ANXA3: variants seen among roughly 807,000 people sequenced by gnomAD.
ANXA3 encodes the protein annexin A3.
ANXA3 carries 46 observed loss-of-function variants against 48.8 expected under a neutral mutation model. The ratio of observed to expected loss-of-function variants is 0.94; its 90% confidence interval spans 0.74 to 1.21. The LOEUF (loss-of-function observed/expected upper bound fraction) is 1.21, where lower values mean the gene tolerates loss of function less well. Among genes scored for constraint, ANXA3 ranks in the 50% most tolerant of loss-of-function variants. The pLI, the probability that ANXA3 is intolerant of heterozygous loss-of-function variation, is 0.00. For missense variants in ANXA3, 383 were observed against 378.6 expected (o/e 1.01, Z -0.10); for synonymous variants, 128 against 134.7 (o/e 0.95, Z 0.35).
At chr4:78,597,144 T>G (rs1329600583) in intron 9 of ANXA3, 175 bp from the exon 10 acceptor site, 1 of 527,934 alleles carries the variant, frequency 1.9e-6, no homozygotes, top group Non-Finnish European at 3.3e-6. Flanking sequence ...TGTAGATGAT[T>G]TCCTTAAAAA....
chr4:78,576,367 A>G (rs1722954209), intron 3 of ANXA3, among the ~76,000 whole-genome samples: 1 of 151,966 alleles, frequency 6.6e-6, no homozygotes, highest in Non-Finnish European at 1.5e-5. Flanking sequence ...ATGCAGTGAT[A>G]TGATCACAGC....
intron 5 of ANXA3, among the ~76,000 whole-genome samples, chr4:78,584,730 T>C (rs7656476): frequency 0.59 from 90,155 of 152,102 alleles, 28,473 homozygotes; most frequent in East Asian, 0.87. Flanking sequence ...GGAGGACATA[T>C]GGGCATCTGA....
chr4:78,572,036 A>T (rs1452110813), intron 2 of ANXA3, among the ~76,000 whole-genome samples: 1 of 152,256 alleles, frequency 6.6e-6, no homozygotes, highest in Non-Finnish European at 1.5e-5. Flanking sequence ...TAATTAAAAC[A>T]TCTTGAAGTC....
At chr4:78,591,331 A>G (rs552944537) in intron 6 of ANXA3, among the ~76,000 whole-genome samples, 1 of 152,340 alleles carries the variant, frequency 6.6e-6, no homozygotes, top group South Asian at 2.1e-4. Context: ...AACTCTTTCT[A>G]TTCTTTTGCA....
intron 2 of ANXA3, among the ~76,000 whole-genome samples, chr4:78,561,744 C>A (rs1026682309): frequency 2.0e-5 from 3 of 151,950 alleles, no homozygotes; most frequent in Non-Finnish European, 4.4e-5. Context: ...GGCATCTTTC[C>A]TGGTTAGGTG....
chr4:78,578,907 G>C, intron 3 of ANXA3, 120 bp from the exon 4 acceptor site: 1 of 401,722 alleles, frequency 2.5e-6, no homozygotes, highest in Non-Finnish European at 4.5e-6. Flanking sequence ...AACCAGATAA[G>C]ATGCTAGAAA....
At position 78,595,845 on chromosome 4, in the gene ANXA3, A is replaced by G; in HGVS notation, c.592A>G (p.Thr198Ala). Reference protein sequence around the residue: ...NRWGTDEDKFTEILCLRSFPQ... With the variant: ...NRWGTDEDKFAEILCLRSFPQ... ...ATGGGGCACGGATGAAGACAAATTC[A>G]CTGAGATCCTGTGTTTAAGGAGCTT... The change falls in exon 9 of 13, where the codon ACT becomes GCT. Residue 198 changes from threonine to alanine, a missense_variant. Coordinates refer to ENST00000264908, the MANE Select transcript of ANXA3 (RefSeq NM_005139.3). The G allele has an allele frequency of 5.6e-6, 9 of 1,612,680 alleles. No individual in the cohort carries two copies. Among genetic ancestry groups the G allele is most frequent in the Non-Finnish European group, 7.6e-6 (9 of 1,178,760 alleles).
intron 2 of ANXA3, among the ~76,000 whole-genome samples, chr4:78,557,770 C>T (rs1306132326): frequency 6.7e-6 from 1 of 150,152 alleles, no homozygotes; most frequent in Admixed American, 6.7e-5. Flanking sequence ...AGAGAGCAAA[C>T]ATTAGGAACA....
intron 5 of ANXA3, 90 bp downstream of exon 5, chr4:78,582,380 G>A: frequency 1.2e-6 from 1 of 812,432 alleles, no homozygotes. Flanking sequence ...TGTGATGGGT[G>A]GACTTGGATG....
At chr4:78,587,504 A>G (rs961689503) in intron 6 of ANXA3, among the ~76,000 whole-genome samples, 1 of 152,184 alleles carries the variant, frequency 6.6e-6, no homozygotes, top group Non-Finnish European at 1.5e-5. Flanking sequence ...CCAATTCTCT[A>G]CTATTCAATG....
chr4:78,599,624 T>A (rs146577410), intron 10 of ANXA3, among the ~76,000 whole-genome samples: 5,402 of 152,184 alleles, frequency 0.035, 126 homozygotes, highest in Middle Eastern at 0.065. Flanking sequence ...GGCAGGAGGA[T>A]CCCTTTAGGC....
chr4:78,557,410 G>A (rs961136569), intron 2 of ANXA3, among the ~76,000 whole-genome samples: 2 of 152,126 alleles, frequency 1.3e-5, no homozygotes, highest in Non-Finnish European at 1.5e-5. Context: ...TTTAAGGTCT[G>A]GAACCTTAAT....
chr4:78,573,066 G>T (rs1333917504), intron 2 of ANXA3, 114 bp from the exon 3 acceptor site: 1 of 816,066 alleles, frequency 1.2e-6, no homozygotes, highest in Admixed American at 1.7e-5. Flanking sequence ...TGGTAGGAAG[G>T]TGTGCGAATT....
At chr4:78,589,795 G>C (rs1485217501) in intron 6 of ANXA3, among the ~76,000 whole-genome samples, 2 of 152,150 alleles carry the variant, frequency 1.3e-5, no homozygotes, top group Non-Finnish European at 1.5e-5. Context: ...CTCATAAAGG[G>C]ACCAGATGTC....
At chr4:78,597,283 C>T (rs76109076) in intron 9 of ANXA3, 36 bp from the exon 10 acceptor site, 7 of 1,351,198 alleles carry the variant, frequency 5.2e-6, no homozygotes, top group South Asian at 2.4e-5. Context: ...TGCTCAACTG[C>T]GTTGCTTTAA....
chr4:78,553,030 A>G (rs1189972183), intron 1 of ANXA3, among the ~76,000 whole-genome samples: 1 of 152,258 alleles, frequency 6.6e-6, no homozygotes, highest in Non-Finnish European at 1.5e-5. Flanking sequence ...TTACATCTTA[A>G]AAGTTAAATG....
intron 1 of ANXA3, among the ~76,000 whole-genome samples, chr4:78,552,784 A>T (rs1408836128): frequency 6.6e-6 from 1 of 152,246 alleles, no homozygotes. Context: ...ACGTTACTCC[A>T]TGAAGATACC....
chr4:78,588,613 A>G (rs1723226717), intron 6 of ANXA3, among the ~76,000 whole-genome samples: 1 of 152,106 alleles, frequency 6.6e-6, no homozygotes, highest in African/African-American at 2.4e-5. Context: ...CAGATCTCTG[A>G]AAAGAGGGCT....
In ANXA3 at chr4:78,578,960, A is replaced by T. The variant is rs1578396731; in HGVS notation, c.104-67A>T. 5.3e-6 allele frequency: 5 copies of T among 938,222 alleles called. No individual in the cohort carries two copies. In the East Asian group the frequency reaches 1.0e-4, roughly 20 times the overall value. 58.1% of individuals were successfully genotyped at this position (938,222 alleles called of 1,614,324 possible). A position where few individuals can be genotyped will look rare whatever the true frequency, so the allele number is the denominator to read the frequency against. ...CTGCATTTGTCTCAGGCCATTGATC[A>T]TTTTGCTTTTGTTCAAGACAAATGT... On this transcript the variant is annotated intron_variant, in intron 3 of 12. Coordinates refer to ENST00000264908, the MANE Select transcript of ANXA3 (RefSeq NM_005139.3).
Sources: gnomAD v4.1 joint callset for allele counts (sites outside exome capture counted in the v4.1 genomes callset) on GRCh38, gnomAD v4.1.1 for gene constraint, MANE v1.5 for transcripts, NCBI Gene and HGNC (gene_info 2026-07-23, HGNC 2026-07-21) for gene names.